The following TMBIM4 variants were observed in gnomAD, a reference collection of about 807,000 sequenced individuals.
TMBIM4 encodes the protein protein lifeguard 4.
Under a neutral mutation model 27.7 loss-of-function variants are expected in TMBIM4, and 28 were observed. The ratio of observed to expected loss-of-function variants is 1.01; its 90% CI spans 0.75 to 1.38. The LOEUF (loss-of-function observed/expected upper bound fraction) is 1.38. TMBIM4 is among the 40% of genes most tolerant of loss of function. TMBIM4 has a pLI of 0.00. For missense variants in TMBIM4, 265 were observed against 277.5 expected (o/e 0.95, Z 0.32); for synonymous variants, 115 against 113.1 (o/e 1.02, Z -0.11).
At chr12:66,146,652 T>A (rs2051756904) in intron 4 of TMBIM4, among the ~76,000 whole-genome samples, 1 of 152,206 alleles carries the variant, frequency 6.6e-6, no homozygotes, top group Non-Finnish European at 1.5e-5. Flanking sequence ...TAAAACTCCT[T>A]AACATTTTAA....
chr12:66,163,212 G>A (rs897444288), intron 1 of TMBIM4, among the ~76,000 whole-genome samples: 2 of 152,056 alleles, frequency 1.3e-5, no homozygotes, highest in African/African-American at 2.4e-5. Flanking sequence ...TTATTCCTGG[G>A]ACTAGCAGGG....
chr12:66,156,634 C>T (rs2051941056), intron 1 of TMBIM4, among the ~76,000 whole-genome samples: 1 of 152,130 alleles, frequency 6.6e-6, no homozygotes, highest in Non-Finnish European at 1.5e-5. Flanking sequence ...AATAATCGTT[C>T]CACTTAAAAT....
intron 1 of TMBIM4, chr12:66,169,221 G>C: frequency 4.3e-6 from 3 of 696,694 alleles, no homozygotes; most frequent in Non-Finnish European, 7.8e-6. Context: ...ATGAAGCTGA[G>C]CATTTTAAAT....
At chr12:66,147,869 A>G (rs1448299554) in intron 4 of TMBIM4, 39 bp downstream of exon 4, 4 of 1,571,912 alleles carry the variant, frequency 2.5e-6, no homozygotes, top group Middle Eastern at 1.7e-4. Flanking sequence ...TCTACATTAA[A>G]AAGTTATTAT....
Position 66,137,856 on chromosome 12 carries a change from A to T in TMBIM4, c.*104T>A. 1 of 843,848 alleles carries T rather than the reference A, an allele frequency of 1.2e-6. No homozygotes were observed. The highest frequency in any genetic ancestry group is 1.8e-6 in the Non-Finnish European group (1 of 543,344). 52.3% of individuals were successfully genotyped at this position (843,848 alleles called of 1,614,324 possible). On this transcript the variant is annotated 3_prime_UTR_variant, in exon 7 of 7. Coordinates refer to ENST00000358230, the MANE Select transcript of TMBIM4 (RefSeq NM_016056.4). ...GTATTTAATCATTGTTTCAAACTTTATTACTTAATGAAACAGTTTCTATAT... is the reference window on the plus strand; with the variant it reads ...GTATTTAATCATTGTTTCAAACTTTTTTACTTAATGAAACAGTTTCTATAT...
chr12:66,140,836 A>G (rs949435650), intron 5 of TMBIM4, among the ~76,000 whole-genome samples: 6 of 152,228 alleles, frequency 3.9e-5, no homozygotes, highest in African/African-American at 1.4e-4. Flanking sequence ...TATTTTAATC[A>G]AATTACTGCA....
rs774876325 is a variant in TMBIM4, at chr12:66,169,913, G to C, written c.39C>G (p.Ile13Met). 2 of 1,495,384 alleles carry C rather than the reference G, an allele frequency of 1.3e-6. No homozygotes were observed. The highest frequency in any genetic ancestry group is 1.8e-6 in the Non-Finnish European group (2 of 1,124,576). The allele number at this position is 1,495,384 out of a possible 1,614,324, so 92.6% of individuals were successfully genotyped here. ...DPDPRYPRSSIEDDFNYGSSV... is the reference protein window; with the variant it reads ...DPDPRYPRSSMEDDFNYGSSV... ...TGCTGCCATAGTTGAAGTCGTCCTC[G>C]ATCGAGGAGCGAGGGTACCGGGGGT... The change falls in exon 1 of 7, where the codon ATC becomes ATG. Residue 13 changes from isoleucine to methionine, a missense_variant. Coordinates refer to ENST00000358230, the MANE Select transcript of TMBIM4 (RefSeq NM_016056.4).
intron 1 of TMBIM4, chr12:66,160,075 C>A (rs2052008353): frequency 3.1e-6 from 2 of 637,148 alleles, no homozygotes; most frequent in Non-Finnish European, 5.7e-6. Flanking sequence ...CACTCACTTA[C>A]ATATCCTCTA....
At chr12:66,148,678 C>T (rs180820659) in intron 3 of TMBIM4, among the ~76,000 whole-genome samples, 3 of 152,276 alleles carry the variant, frequency 2.0e-5, no homozygotes, top group Non-Finnish European at 2.9e-5. Context: ...TTAGCAGAAG[C>T]GTGGGCCCTT....
chr12:66,138,210 G>C (rs368546271), intron 6 of TMBIM4, 44 bp from the exon 7 acceptor site: 125 of 1,572,628 alleles, frequency 7.9e-5, no homozygotes, highest in Non-Finnish European at 1.0e-4. Flanking sequence ...TTTGAGAACA[G>C]TATTAACAGG....
At chr12:66,138,981 GTCTTTA>G (rs2051623031) in intron 5 of TMBIM4, 1 of 615,834 alleles carries the variant, frequency 1.6e-6, no homozygotes, top group African/African-American at 1.9e-5. Context: ...TTCAACATTT[GTCTTTA>G]TGGTATACAA....
intron 1 of TMBIM4, among the ~76,000 whole-genome samples, chr12:66,166,479 AAAAAAG>A (rs1205730975): frequency 1.2e-3 from 149 of 126,206 alleles, no homozygotes; most frequent in African/African-American, 3.8e-3. Flanking sequence ...AAAAAAAAAA[AAAAAAG>A]AAAAAGAAAA....
At chr12:66,169,607 C>T in intron 1 of TMBIM4, 2 of 460,994 alleles carry the variant, frequency 4.3e-6, no homozygotes, top group Non-Finnish European at 7.6e-6. Context: ...GGGGCGCACA[C>T]AGGACAGCCG....
intron 6 of TMBIM4, 82 bp downstream of exon 6, chr12:66,138,642 G>T: frequency 3.0e-6 from 3 of 995,774 alleles, no homozygotes; most frequent in Non-Finnish European, 4.4e-6. Context: ...TATCATAAGA[G>T]TATCTCTTAT....
In TMBIM4 at chr12:66,137,726, C is replaced by G; in HGVS notation, c.*234G>C. ...CATTTTTAATAGAATTTTGATAGCT[C>G]TTAACTGAGATCCTAAATCAAGGAT... On this transcript the variant is annotated 3_prime_UTR_variant, in exon 7 of 7. Coordinates refer to ENST00000358230, the MANE Select transcript of TMBIM4 (RefSeq NM_016056.4). 1 of 458,676 alleles carries G rather than the reference C, an allele frequency of 2.2e-6. No individual in the cohort carries two copies. Among genetic ancestry groups the G allele is most frequent in the Non-Finnish European group, 3.9e-6 (1 of 254,838 alleles). 28.4% of individuals were successfully genotyped at this position (458,676 alleles called of 1,614,324 possible). A position where few individuals can be genotyped will look rare whatever the true frequency, so the allele number is the denominator to read the frequency against.
At chr12:66,151,641 C>T (rs2051847093) in intron 3 of TMBIM4, among the ~76,000 whole-genome samples, 1 of 152,152 alleles carries the variant, frequency 6.6e-6, no homozygotes, top group Non-Finnish European at 1.5e-5. Flanking sequence ...AGACAGATAA[C>T]TTGAGGCTTA....
At chr12:66,139,502 A>G (rs1273925828) in intron 5 of TMBIM4, among the ~76,000 whole-genome samples, 1 of 152,244 alleles carries the variant, frequency 6.6e-6, no homozygotes, top group Non-Finnish European at 1.5e-5. Flanking sequence ...AAGGATACAA[A>G]GAAAGTGAAG....
chr12:66,155,496 C>T (rs949034401), intron 1 of TMBIM4, among the ~76,000 whole-genome samples: 3 of 152,142 alleles, frequency 2.0e-5, no homozygotes, highest in Middle Eastern at 3.2e-3. Context: ...CATGCCACTA[C>T]GCCCAGCTAA....
In TMBIM4 at chr12:66,168,989, C is replaced by G. The variant is rs1592560953; in HGVS notation, c.97+866G>C. ...GCCAAAATAATTTCAAAATTCAATT[C>G]CAAAAATATAAATGCTAGGCACCAA... On this transcript the variant is annotated intron_variant, in intron 1 of 6. Coordinates refer to ENST00000358230, the MANE Select transcript of TMBIM4 (RefSeq NM_016056.4). 1.3e-5 allele frequency: 3 copies of G among 230,944 alleles called. No homozygotes were observed. The East Asian group carries it at 3.1e-4, about 24-fold the overall frequency. 14.3% of individuals were successfully genotyped at this position (230,944 alleles called of 1,614,324 possible). A position where few individuals can be genotyped will look rare whatever the true frequency, so the allele number is the denominator to read the frequency against.
Sources: allele counts gnomAD v4.1 joint callset (sites outside exome capture counted in the v4.1 genomes callset), GRCh38; gene constraint gnomAD v4.1.1; transcripts MANE v1.5; gene names NCBI Gene and HGNC (gene_info 2026-07-23, HGNC 2026-07-21).